The following SHISAL1 variants were observed in gnomAD, a reference collection of about 807,000 sequenced individuals.
SHISAL1 encodes the protein shisa like 1, also known as protein shisa-like-1.
A neutral mutation model predicts 22.6 loss-of-function variants in SHISAL1; 9 were observed. The ratio of observed to expected loss-of-function variants is 0.40; its 90% CI spans 0.24 to 0.70. The LOEUF (loss-of-function observed/expected upper bound fraction) is 0.70. SHISAL1 is among the 30% of genes least tolerant of loss of function. The probability of loss-of-function intolerance (pLI) is 0.39; values close to 1 mark genes in which losing one functional copy is unlikely to be tolerated. For synonymous variants in SHISAL1, 119 were observed against 115.4 expected, an observed-to-expected ratio of 1.03 and a Z score of -0.20; for missense variants, 246 against 270.6, an observed-to-expected ratio of 0.91 and a Z score of 0.64.
At chr22:44,267,929 C>G (rs1383773591) in intron 4 of SHISAL1, among the ~76,000 whole-genome samples, 1 of 152,264 alleles carries the variant, frequency 6.6e-6, no homozygotes, top group African/African-American at 2.4e-5. Flanking sequence ...CCTTATCCTG[C>G]AGGCCCTCTG....
chr22:44,324,537 A>G, the SHISAL1 span, among the ~76,000 whole-genome samples: 1 of 152,354 alleles, frequency 6.6e-6, no homozygotes, highest in East Asian at 1.9e-4. Context: ...ACAGAGGCGG[A>G]CAAGGCATTG....
the SHISAL1 span, among the ~76,000 whole-genome samples, chr22:44,321,066 A>G: frequency 1.3e-5 from 2 of 152,166 alleles, no homozygotes; most frequent in African/African-American, 4.8e-5. Flanking sequence ...GCAGGCCTCC[A>G]GGGTCCAGCC....
intron 4 of SHISAL1, among the ~76,000 whole-genome samples, chr22:44,280,840 T>C (rs1393711326): frequency 6.6e-6 from 1 of 152,036 alleles, no homozygotes; most frequent in Non-Finnish European, 1.5e-5. Context: ...GGCAGGCAGG[T>C]TGTGCGGCAC....
chr22:44,245,262 C>CATTG lies in SHISAL1; in HGVS notation c.*4419_*4422dup, dbSNP rs1239277015. The CATTG allele has an allele frequency of 2.6e-5, 4 of 152,236 alleles. No individual in the cohort carries two copies. Among genetic ancestry groups the CATTG allele is most frequent in the Non-Finnish European group, 4.4e-5 (3 of 68,056 alleles). 9.4% of individuals were successfully genotyped at this position (152,236 alleles called of 1,614,324 possible). On this transcript the variant is annotated 3_prime_UTR_variant, in exon 5 of 5. Coordinates refer to ENST00000381176, the MANE Select transcript of SHISAL1 (RefSeq NM_001099294.2). Reference sequence around the variant, plus strand: ...CCTACAGTGATAGGGGGCCCTTCAACATTGATAAGACATGTTCCCAATAAC... The same window carrying CATTG: ...CCTACAGTGATAGGGGGCCCTTCAACATTGATTGATAAGACATGTTCCCAATAAC...
rs553072814 is a variant in SHISAL1 at position 44,247,284 on chromosome 22, G to A, written c.*2401C>T. On this transcript the variant is annotated 3_prime_UTR_variant, in exon 5 of 5. Coordinates refer to ENST00000381176, the MANE Select transcript of SHISAL1 (RefSeq NM_001099294.2). ...AACTGAGGTAACAGACCTTGCCTGA[G>A]GTCACGCTGTTCTCAGTGGCAGAGC... 11 of 152,350 alleles carry A rather than the reference G, an allele frequency of 7.2e-5. No individual in the cohort carries two copies. In the East Asian group the frequency reaches 2.1e-3, roughly 29 times the overall value. 9.4% of individuals were successfully genotyped at this position (152,350 alleles called of 1,614,324 possible). A position where few individuals can be genotyped will look rare whatever the true frequency, so the allele number is the denominator to read the frequency against.
At chr22:44,314,893 C>T (rs775121143), upstream of SHISAL1, among the ~76,000 whole-genome samples, 3 of 152,156 alleles carry the variant, frequency 2.0e-5, no homozygotes, top group Non-Finnish European at 2.9e-5. Context: ...GGCATCTCAG[C>T]GCTATGAGGC....
intron 4 of SHISAL1, among the ~76,000 whole-genome samples, chr22:44,274,050 C>T (rs1601786784): frequency 8.1e-6 from 1 of 123,028 alleles, no homozygotes; most frequent in African/African-American, 3.1e-5. Context: ...AACCTCCCGG[C>T]CCCCCCCTCC....
intron 3 of SHISAL1, among the ~76,000 whole-genome samples, chr22:44,289,167 G>C (rs931123412): frequency 6.6e-6 from 1 of 152,222 alleles, no homozygotes; most frequent in African/African-American, 2.4e-5. Flanking sequence ...CCATGAGGGA[G>C]GAGCTAGTGT....
chr22:44,307,719 G>A (rs556738173), intron 1 of SHISAL1, among the ~76,000 whole-genome samples: 26 of 152,312 alleles, frequency 1.7e-4, no homozygotes, highest in African/African-American at 6.3e-4. Context: ...AGATTTGAAG[G>A]TTATTTTTAA....
chr22:44,288,851 A>G (rs951379433), intron 3 of SHISAL1, among the ~76,000 whole-genome samples: 1 of 152,192 alleles, frequency 6.6e-6, no homozygotes, highest in Non-Finnish European at 1.5e-5. Context: ...TCTCAAAGCC[A>G]CTGGATTTCC....
chr22:44,287,690 G>A (rs2055325732), intron 3 of SHISAL1, among the ~76,000 whole-genome samples: 1 of 152,196 alleles, frequency 6.6e-6, no homozygotes, highest in Non-Finnish European at 1.5e-5. Context: ...TTTTCCTGGA[G>A]GCATCTGGAT....
At chr22:44,270,895 C>A (rs765624445) in intron 4 of SHISAL1, among the ~76,000 whole-genome samples, 1 of 152,200 alleles carries the variant, frequency 6.6e-6, no homozygotes, top group Non-Finnish European at 1.5e-5. Flanking sequence ...GGCAACAGAA[C>A]CACGTAGCAC....
the SHISAL1 span, among the ~76,000 whole-genome samples, chr22:44,331,401 C>T: frequency 2.0e-5 from 3 of 151,170 alleles, no homozygotes; most frequent in South Asian, 6.2e-4. This position sits in a 1 kb window ranked among gnomAD's most constrained non-coding sequence, Gnocchi z 5.2. Flanking sequence ...AGGAGCTCCG[C>T]CCCGGCCCCT....
chr22:44,250,754 G>A (rs2055041680), intron 4 of SHISAL1, among the ~76,000 whole-genome samples: 1 of 152,210 alleles, frequency 6.6e-6, no homozygotes, highest in Non-Finnish European at 1.5e-5. Flanking sequence ...CAGAAACTTG[G>A]TTCTGGTGGC....
chr22:44,330,135 C>T, the SHISAL1 span, among the ~76,000 whole-genome samples: 1 of 152,230 alleles, frequency 6.6e-6, no homozygotes, highest in Non-Finnish European at 1.5e-5. Flanking sequence ...AACTGAGGTC[C>T]AGAGACATGT....
At chr22:44,313,388 G>A (rs1166778572), upstream of SHISAL1, among the ~76,000 whole-genome samples, 1 of 152,208 alleles carries the variant, frequency 6.6e-6, no homozygotes, top group African/African-American at 2.4e-5. Context: ...CACCAGCCCG[G>A]GGAGGAAGGG....
the SHISAL1 span, among the ~76,000 whole-genome samples, chr22:44,326,320 A>C: frequency 6.6e-6 from 1 of 152,114 alleles, no homozygotes; most frequent in African/African-American, 2.4e-5. Flanking sequence ...GACAACGAGG[A>C]GCTTCGGAAT....
In SHISAL1 at chr22:44,300,868, G is replaced by A. The variant is rs374442199; in HGVS notation, c.67+11C>T. 4.5e-5 allele frequency: 73 copies of A among 1,611,656 alleles called. No individual in the cohort carries two copies. Among genetic ancestry groups the A allele is most frequent in the African/African-American group, 4.3e-4 (32 of 74,888 alleles). The stretch of plus-strand genomic sequence containing the variant: ...TGCCGCCCCCGCCCCCAGCATCCAC[G>A]GAGGTTTTACCTGCAGAAAACAGCA... On this transcript the variant is annotated intron_variant, in intron 2 of 4. Transcript: ENST00000381176.
At chr22:44,260,471 G>A (rs2055113984) in intron 4 of SHISAL1, among the ~76,000 whole-genome samples, 1 of 152,216 alleles carries the variant, frequency 6.6e-6, no homozygotes, top group South Asian at 2.1e-4. Flanking sequence ...CCATTAGGCT[G>A]GTAAAGGTTG....
Sources: gnomAD v4.1 joint callset for allele counts (sites outside exome capture counted in the v4.1 genomes callset) on GRCh38, gnomAD v4.1.1 for gene constraint, Gnocchi (gnomAD v3.1) non-coding constraint, MANE v1.5 for transcripts, NCBI Gene and HGNC (gene_info 2026-07-23, HGNC 2026-07-21) for gene names.